OSBPL10: variants seen among roughly 807,000 people sequenced by gnomAD.
OSBPL10 encodes oxysterol binding protein like 10.
OSBPL10 carries 49 observed loss-of-function variants against 81.7 expected under a neutral mutation model. The ratio of observed to expected loss-of-function variants is 0.60; its 90% confidence interval spans 0.48 to 0.76. The LOEUF (loss-of-function observed/expected upper bound fraction) is 0.76. Among genes scored for constraint, OSBPL10 ranks in the 30% least tolerant of loss-of-function variants. The pLI is 0.00. For missense variants in OSBPL10, 923 were observed against 987.8 expected (o/e 0.93, Z 0.88); for synonymous variants, 419 against 383.6 (o/e 1.09, Z -1.08).
At chr3:31,751,529 A>G (rs1350235537) in intron 4 of OSBPL10, among the ~76,000 whole-genome samples, 1 of 152,210 alleles carries the variant, frequency 6.6e-6, no homozygotes, top group Non-Finnish European at 1.5e-5. Flanking sequence ...CACTGAAAGC[A>G]TAGAGCCCAG....
intron 4 of OSBPL10, among the ~76,000 whole-genome samples, chr3:31,756,043 C>T (rs1697877529): frequency 6.6e-6 from 1 of 152,194 alleles, no homozygotes; most frequent in Non-Finnish European, 1.5e-5. Context: ...CTGAGATCCT[C>T]AAGAAATGTG....
chr3:31,787,516 A>G, intron 4 of OSBPL10, among the ~76,000 whole-genome samples: 1 of 149,926 alleles, frequency 6.7e-6, no homozygotes, highest in Non-Finnish European at 1.5e-5. Context: ...AATCGCTTGA[A>G]CCCGGGAGCT....
chr3:31,767,254 A>G (rs1049614780), intron 4 of OSBPL10, among the ~76,000 whole-genome samples: 22 of 152,228 alleles, frequency 1.4e-4, no homozygotes, highest in African/African-American at 4.6e-4. Flanking sequence ...CCCTCTGTTC[A>G]TGGGAATAAG....
chr3:31,905,615 G>A (rs1020694653), intron 1 of OSBPL10, among the ~76,000 whole-genome samples: 7 of 152,148 alleles, frequency 4.6e-5, no homozygotes, highest in African/African-American at 1.7e-4. Context: ...CTCCCAAAGT[G>A]CTGGGATTAC....
chr3:31,707,565 C>T (rs1454260992), intron 6 of OSBPL10: 2 of 152,138 alleles, frequency 1.3e-5, no homozygotes, highest in Non-Finnish European at 2.9e-5. Flanking sequence ...AGTGACAAGA[C>T]CATACACATC....
At chr3:31,928,184 A>T (rs1019863929) in intron 1 of OSBPL10, among the ~76,000 whole-genome samples, 2 of 152,200 alleles carry the variant, frequency 1.3e-5, no homozygotes, top group African/African-American at 4.8e-5. Context: ...TTAAAACTCT[A>T]CAGAAAATGA....
At position 31,812,735 on chromosome 3, in the gene OSBPL10, AAAG is replaced by A. The variant is rs1575561085; in HGVS notation, c.729+17302_729+17304del. ...GGCAAAAAAAAAGAAAGAAAGAAAGAAAGAAAGAAAGAAAGAAAGAAAGAAAGA... is the reference window on the plus strand; with the variant it reads ...GGCAAAAAAAAAGAAAGAAAGAAAGAAAAGAAAGAAAGAAAGAAAGAAAGA... On this transcript the variant is annotated intron_variant, in intron 4 of 11. Transcript: ENST00000396556. Among the ~76,000 whole-genome samples the A allele has an allele frequency of 2.6e-4, 5 of 19,414 alleles. No individual in the cohort carries two copies. In the East Asian group the frequency reaches 7.7e-3, roughly 30 times the overall value. The allele number at this position is 19,414 out of a possible 152,430, so 12.7% of individuals were successfully genotyped here. A position where few individuals can be genotyped will look rare whatever the true frequency, so the allele number is the denominator to read the frequency against.
intron 3 of OSBPL10, among the ~76,000 whole-genome samples, chr3:31,869,684 G>A (rs1011232984): frequency 1.3e-5 from 2 of 152,270 alleles, no homozygotes; most frequent in South Asian, 4.2e-4. Flanking sequence ...AGAAGAGGGA[G>A]CATGCTAAGC....
chr3:31,970,057 G>A (rs1034020767), intron 1 of OSBPL10, among the ~76,000 whole-genome samples: 3 of 152,082 alleles, frequency 2.0e-5, no homozygotes, highest in African/African-American at 7.2e-5. Context: ...GTTCTTTCCA[G>A]AGAAAAAGAA....
chr3:31,764,400 T>C (rs1392982104), intron 4 of OSBPL10, among the ~76,000 whole-genome samples: 1 of 151,802 alleles, frequency 6.6e-6, no homozygotes, highest in African/African-American at 2.4e-5. Flanking sequence ...GTTGGGTGGA[T>C]AAATGGAGGA....
At chr3:31,942,846 A>T (rs1697577769) in intron 1 of OSBPL10, among the ~76,000 whole-genome samples, 2 of 152,246 alleles carry the variant, frequency 1.3e-5, no homozygotes, top group Non-Finnish European at 2.9e-5. Context: ...TTAAATCATA[A>T]CATACACATA....
intron 4 of OSBPL10, among the ~76,000 whole-genome samples, chr3:31,790,895 C>T (rs1698992891): frequency 6.6e-6 from 1 of 152,216 alleles, no homozygotes; most frequent in African/African-American, 2.4e-5. Context: ...GTACAGAAGA[C>T]ACAGCTATGC....
intron 2 of OSBPL10, among the ~76,000 whole-genome samples, chr3:32,038,701 A>T (rs1048074142): frequency 5.9e-5 from 9 of 152,234 alleles, no homozygotes; most frequent in Admixed American, 4.6e-4. Context: ...TCAACTGTAC[A>T]TGGGCATAAG....
intron 1 of OSBPL10, among the ~76,000 whole-genome samples, chr3:31,944,155 T>C (rs1697624264): frequency 6.6e-6 from 1 of 152,100 alleles, no homozygotes; most frequent in Non-Finnish European, 1.5e-5. Flanking sequence ...TGCACTTCTT[T>C]GATTACTATT....
chr3:31,676,319 CAT>C (rs1205912216), intron 8 of OSBPL10, among the ~76,000 whole-genome samples: 4 of 150,342 alleles, frequency 2.7e-5, no homozygotes, highest in African/African-American at 9.8e-5. Context: ...GAATAAAAGA[CAT>C]ATTAAAATTA....
chr3:31,934,194 G>T (rs1374002201), intron 1 of OSBPL10, among the ~76,000 whole-genome samples: 1 of 146,624 alleles, frequency 6.8e-6, no homozygotes, highest in Non-Finnish European at 1.5e-5. Flanking sequence ...AGGAAGCCAG[G>T]CATGGTGATG....
intron 4 of OSBPL10, among the ~76,000 whole-genome samples, chr3:31,826,333 G>A (rs543806299): frequency 1.3e-5 from 2 of 152,304 alleles, no homozygotes; most frequent in Admixed American, 1.3e-4. Flanking sequence ...AATTGCTAGA[G>A]AGAATATGTC....
intron 1 of OSBPL10, among the ~76,000 whole-genome samples, chr3:31,907,196 G>A (rs959091114): frequency 8.5e-5 from 13 of 152,220 alleles, no homozygotes; most frequent in East Asian, 1.9e-4. Flanking sequence ...CATGGTATCA[G>A]ACCAAAAAAG....
intron 3 of OSBPL10, among the ~76,000 whole-genome samples, chr3:31,852,298 G>C (rs1339655020): frequency 6.6e-6 from 1 of 152,130 alleles, no homozygotes; most frequent in Non-Finnish European, 1.5e-5. Flanking sequence ...GGCAGTCGGG[G>C]GCAGGGGGTC....
Sources: gnomAD v4.1 joint callset for allele counts (sites outside exome capture counted in the v4.1 genomes callset) on GRCh38, gnomAD v4.1.1 for gene constraint, MANE v1.5 for transcripts, NCBI Gene and HGNC (gene_info 2026-07-23, HGNC 2026-07-21) for gene names.